Variants in CLDN16 observed in about 807,000 individuals in gnomAD.
CLDN16 encodes claudin-16.
CLDN16 carries 13 observed loss-of-function variants against 24.6 expected under a neutral mutation model. That is an observed-to-expected ratio of 0.53 (90% CI 0.34 to 0.84). The LOEUF (loss-of-function observed/expected upper bound fraction) is 0.84, where lower values mean the gene tolerates loss of function less well. Ranked by LOEUF, CLDN16 falls within the 40% of genes least tolerant of loss-of-function variation. CLDN16 has a pLI of 0.01. For missense variants in CLDN16, 298 were observed against 292.7 expected (o/e 1.02, Z -0.13); for synonymous variants, 116 against 106.7 (o/e 1.09, Z -0.54).
At chr3:190,390,475 A>C (rs1321159680) in intron 1 of CLDN16, among the ~76,000 whole-genome samples, 11 of 152,174 alleles carry the variant, frequency 7.2e-5, no homozygotes, top group African/African-American at 2.4e-4. Flanking sequence ...AGGAGGTTGC[A>C]CTGAGCCGAG....
At chr3:190,389,002 G>A (rs1017909396) in intron 1 of CLDN16, among the ~76,000 whole-genome samples, 9 of 152,156 alleles carry the variant, frequency 5.9e-5, no homozygotes, top group African/African-American at 1.7e-4. Flanking sequence ...TGTCTTTCCA[G>A]TGCATCCCAA....
chr3:190,346,968 G>A (rs537954172), intron 1 of CLDN16, among the ~76,000 whole-genome samples: 23 of 152,244 alleles, frequency 1.5e-4, no homozygotes, highest in South Asian at 1.0e-3. Flanking sequence ...TTCACACGCC[G>A]AGGTTTGGGC....
chr3:190,406,739 CTTTTTTTTTT>C (rs35773061), intron 3 of CLDN16, among the ~76,000 whole-genome samples: 1 of 107,424 alleles, frequency 9.3e-6, no homozygotes, highest in African/African-American at 3.7e-5. Context: ...TATTATCTGG[CTTTTTTTTTT>C]TTTTTTTTTT....
the CLDN16 span, chr3:190,307,329 A>G: frequency 6.6e-6 from 1 of 152,344 alleles, no homozygotes; most frequent in Admixed American, 6.5e-5. Flanking sequence ...GGGAACAAAA[A>G]GGTAGTTTAG....
rs1368957747 is a variant in CLDN16 at position 190,411,315 on chromosome 3, A to G, written c.*1279A>G. 6.6e-6 allele frequency: 1 copy of G among 152,190 alleles called. No homozygotes were observed. The highest frequency in any genetic ancestry group is 1.5e-5 in the Non-Finnish European group (1 of 68,024). 9.4% of individuals were successfully genotyped at this position (152,190 alleles called of 1,614,324 possible). ...TCTTCATAAAATGTGGGTTTTGGGG[A>G]AAATATAGAATTACATATACATTTA... On this transcript the variant is annotated 3_prime_UTR_variant, in exon 5 of 5. Coordinates refer to ENST00000264734, the MANE Select transcript of CLDN16 (RefSeq NM_006580.4).
At chr3:190,379,042 CT>C (rs1718301892) in intron 3 of CLDN16, among the ~76,000 whole-genome samples, 1 of 151,908 alleles carries the variant, frequency 6.6e-6, no homozygotes, top group African/African-American at 2.4e-5. Flanking sequence ...GGCTATAGAC[CT>C]TTGAAAATTT....
the CLDN16 span, among the ~76,000 whole-genome samples, chr3:190,301,727 A>T: frequency 2.1e-3 from 326 of 152,320 alleles, 1 homozygote; most frequent in African/African-American, 7.5e-3. Flanking sequence ...ACTTTAAAGT[A>T]AATAATATCC....
At chr3:190,397,316 A>C (rs1233286738) in intron 1 of CLDN16, among the ~76,000 whole-genome samples, 1 of 146,776 alleles carries the variant, frequency 6.8e-6, no homozygotes, top group Non-Finnish European at 1.5e-5. Flanking sequence ...TTATCAATAT[A>C]TAAGTTGCAT....
intron 1 of CLDN16, among the ~76,000 whole-genome samples, chr3:190,329,290 A>G (rs778935005): frequency 6.6e-6 from 1 of 152,156 alleles, no homozygotes. Flanking sequence ...TTATACCTTT[A>G]TGTGATTTCA....
At chr3:190,300,430 C>T in the CLDN16 span, among the ~76,000 whole-genome samples, 1,052 of 152,236 alleles carry the variant, frequency 6.9e-3, 17 homozygotes, top group African/African-American at 0.024. Flanking sequence ...TCCTATTATC[C>T]ATTCACAGGT....
intron 3 of CLDN16, among the ~76,000 whole-genome samples, chr3:190,378,610 T>A (rs1198437599): frequency 1.3e-5 from 2 of 152,100 alleles, no homozygotes; most frequent in Non-Finnish European, 2.9e-5. Flanking sequence ...AGATGAGTTC[T>A]TACGTATGAG....
chr3:190,370,178 G>A (rs547854865), intron 1 of CLDN16, among the ~76,000 whole-genome samples: 43 of 152,066 alleles, frequency 2.8e-4, no homozygotes, highest in Non-Finnish European at 5.6e-4. Flanking sequence ...AAATATCTTA[G>A]AAGCATTCTA....
the CLDN16 span, chr3:190,310,174 A>G: frequency 6.2e-7 from 1 of 1,613,528 alleles, no homozygotes; most frequent in Non-Finnish European, 8.5e-7. Flanking sequence ...GTTACCTGGC[A>G]TTGACTGGGG....
chr3:190,399,032 C>T (rs1718893555), intron 1 of CLDN16, among the ~76,000 whole-genome samples: 1 of 152,094 alleles, frequency 6.6e-6, no homozygotes, highest in African/African-American at 2.4e-5. Context: ...AGATAATCCT[C>T]CAGAAAGTCC....
intron 1 of CLDN16, among the ~76,000 whole-genome samples, chr3:190,324,693 C>T (rs919726778): frequency 3.9e-5 from 6 of 151,982 alleles, no homozygotes; most frequent in African/African-American, 1.2e-4. Context: ...ACTTCACTAC[C>T]CACAACCATG....
rs147722582 is a variant in CLDN16, at chr3:190,323,003, T to TACACACACACACACACACACACAC, written n.121+344_121+367dup. Among the ~76,000 whole-genome samples, 1,121 of 144,560 alleles carry TACACACACACACACACACACACAC rather than the reference T, an allele frequency of 7.8e-3. 13 individuals are homozygous for TACACACACACACACACACACACAC. The highest frequency in any genetic ancestry group is 0.014 in the African/African-American group (537 of 38,288). The allele number at this position is 144,560 out of a possible 152,430, so 94.8% of individuals were successfully genotyped here. ...AACAGACCCAGAGAGCAACATGATT[T>TACACACACACACACACACACACAC]ACACACACACACACACACACACACA... On this transcript the variant is annotated intron_variant and non_coding_transcript_variant, in intron 1 of 4. Coordinates refer to the CLDN16 transcript ENST00000468220.
chr3:190,371,016 T>TTATTTATATATATATATATATA (rs1335823851), intron 2 of CLDN16: 1 of 13,858 alleles, frequency 7.2e-5, no homozygotes, highest in African/African-American at 1.5e-4. Context: ...GTTAATACCT[T>TTATTTATATATATATATATATA]TATATATATA....
chr3:190,363,118 A>G (rs1335454195), intron 1 of CLDN16, among the ~76,000 whole-genome samples: 1 of 151,910 alleles, frequency 6.6e-6, no homozygotes, highest in Non-Finnish European at 1.5e-5. Context: ...CAAGGGCACT[A>G]ATTTTTCTCC....
intron 1 of CLDN16, among the ~76,000 whole-genome samples, chr3:190,398,811 G>A (rs973845550): frequency 2.0e-5 from 3 of 152,120 alleles, no homozygotes; most frequent in African/African-American, 7.2e-5. Flanking sequence ...TAAGGAGATT[G>A]AGGATCAAAA....
Sources: gnomAD v4.1 joint callset for allele counts (sites outside exome capture counted in the v4.1 genomes callset) on GRCh38, gnomAD v4.1.1 for gene constraint, MANE v1.5 for transcripts, NCBI Gene and HGNC (gene_info 2026-07-23, HGNC 2026-07-21) for gene names.